Variants in UXS1 observed in about 807,000 individuals in gnomAD.
The protein encoded by UXS1 is UDP-glucuronic acid decarboxylase 1.
Under a neutral mutation model 62.6 loss-of-function variants are expected in UXS1, and 33 were observed. That is an observed-to-expected ratio of 0.53 (90% CI 0.40 to 0.70). UXS1 has a LOEUF of 0.70. UXS1 is among the 30% of genes least tolerant of loss of function. The pLI, the probability that UXS1 is intolerant of heterozygous loss-of-function variation, is 0.00. For missense variants in UXS1, 434 were observed against 556.3 expected (o/e 0.78, Z 2.21); for synonymous variants, 213 against 206.8 (o/e 1.03, Z -0.26).
rs944280930 is a variant in UXS1, at chr2:106,172,921, C to T, written c.95-6838G>A. On this transcript the variant is annotated intron_variant, in intron 1 of 14. Coordinates refer to ENST00000283148, the MANE Select transcript of UXS1 (RefSeq NM_001253875.2). Reference sequence around the variant, plus strand: ...TTCTCCCAACTGCCTCTTCACCTTTCCCCCTCCCTCAGTTCATCCAAGGTC... The same window carrying T: ...TTCTCCCAACTGCCTCTTCACCTTTTCCCCTCCCTCAGTTCATCCAAGGTC... 1.8e-4 allele frequency among the ~76,000 whole-genome samples: 28 copies of T among 152,162 alleles called. 1 individual carries two copies. The highest frequency in any genetic ancestry group is 6.8e-4 in the African/African-American group (28 of 41,442).
At chr2:106,172,653 G>C (rs2105081766) in intron 1 of UXS1, among the ~76,000 whole-genome samples, 1 of 152,254 alleles carries the variant, frequency 6.6e-6, no homozygotes, top group South Asian at 2.1e-4. Flanking sequence ...CCACAGGTCT[G>C]TACTTCAGAC....
At chr2:106,100,519 T>C (rs567970393) in intron 12 of UXS1, among the ~76,000 whole-genome samples, 1 of 152,224 alleles carries the variant, frequency 6.6e-6, no homozygotes, top group East Asian at 1.9e-4. Flanking sequence ...ACAGGGTGAA[T>C]TTCTCTGAGC....
At chr2:106,172,560 A>G (rs894450488) in intron 1 of UXS1, among the ~76,000 whole-genome samples, 1 of 152,148 alleles carries the variant, frequency 6.6e-6, no homozygotes, top group Non-Finnish European at 1.5e-5. Context: ...GCAGGCCCCA[A>G]CACTGACAGA....
intron 10 of UXS1, among the ~76,000 whole-genome samples, chr2:106,108,938 C>CCTTAA (rs1274751199): frequency 2.0e-5 from 3 of 151,956 alleles, no homozygotes; most frequent in Non-Finnish European, 4.4e-5. Flanking sequence ...CACAAGAAAC[C>CCTTAA]CTTACCCTCG....
rs182762670 is a variant in UXS1, at chr2:106,101,276, G to C, written c.924-158C>G. 2.4e-5 allele frequency: 17 copies of C among 698,402 alleles called. No homozygotes were observed. In the Admixed American group the frequency reaches 4.6e-4, roughly 19 times the overall value. 43.3% of individuals were successfully genotyped at this position (698,402 alleles called of 1,614,324 possible). A position where few individuals can be genotyped will look rare whatever the true frequency, so the allele number is the denominator to read the frequency against. On this transcript the variant is annotated intron_variant, in intron 11 of 14. Coordinates refer to ENST00000283148, the MANE Select transcript of UXS1 (RefSeq NM_001253875.2). ...GTCGAAACAAAATCCTACAAACTAAGATGGTGTTTACAATGCGAAAGTATT... is the reference window on the plus strand; with the variant it reads ...GTCGAAACAAAATCCTACAAACTAACATGGTGTTTACAATGCGAAAGTATT...
At chr2:106,146,437 A>T (rs1681572110) in intron 5 of UXS1, among the ~76,000 whole-genome samples, 1 of 152,224 alleles carries the variant, frequency 6.6e-6, no homozygotes. Flanking sequence ...GTTTAAAATA[A>T]ATGAAATCTC....
At chr2:106,128,259 G>A (rs1036890081) in intron 7 of UXS1, among the ~76,000 whole-genome samples, 1 of 152,106 alleles carries the variant, frequency 6.6e-6, no homozygotes, top group Non-Finnish European at 1.5e-5. Context: ...GTTCTGTCTG[G>A]TGACCAGAGC....
At chr2:106,177,635 T>C (rs535414661) in intron 1 of UXS1, among the ~76,000 whole-genome samples, 2 of 152,234 alleles carry the variant, frequency 1.3e-5, no homozygotes, top group Non-Finnish European at 2.9e-5. Flanking sequence ...ACACCTTTTT[T>C]AAGTCTGTAC....
At chr2:106,140,912 G>C (rs966529712) in intron 6 of UXS1, among the ~76,000 whole-genome samples, 1 of 152,136 alleles carries the variant, frequency 6.6e-6, no homozygotes. Context: ...TTATACAGAC[G>C]GTGGAAAAGT....
intron 6 of UXS1, among the ~76,000 whole-genome samples, chr2:106,143,425 AAAAAAAAAAAAAAG>A (rs1396505710): frequency 2.7e-5 from 4 of 148,192 alleles, no homozygotes; most frequent in Admixed American, 7.1e-5. Flanking sequence ...AAAAAAAAAA[AAAAAAAAAAAAAAG>A]GTATAATTTG....
chr2:106,099,229 G>C (rs7564049), intron 12 of UXS1, among the ~76,000 whole-genome samples: 113,462 of 152,134 alleles, frequency 0.75, 42,624 homozygotes, highest in South Asian at 0.78. Context: ...GAAATGAGTA[G>C]GCTCACAGGC....
rs1558678439 is a variant in UXS1, at chr2:106,104,804, G to A, written c.913C>T (p.Gln305Ter). Residue 305 changes from glutamine (Q) to a stop codon, truncating the protein, a stop_gained, in exon 11 of 15, where the codon CAG becomes TAG. Coordinates refer to ENST00000283148, the MANE Select transcript of UXS1 (RefSeq NM_001253875.2). LOFTEE classifies it high-confidence loss of function. ...YGSGSQTRAF[Q>*]YVSDLVNGLV... ...GCAGGACAGTCTTACCTGACGTACT[G>A]GAACGCCCTTGTCTGAGACCCGGAT... is the stretch of plus-strand genomic sequence containing the variant. 6 of 1,613,980 alleles carry A rather than the reference G, an allele frequency of 3.7e-6. No individual in the cohort carries two copies. The highest frequency in any genetic ancestry group is 4.2e-6 in the Non-Finnish European group (5 of 1,179,884).
At position 106,163,710 on chromosome 2, in the gene UXS1, T is replaced by C. The variant is rs1383659951; in HGVS notation, c.187A>G (p.Met63Val). 1.4e-6 allele frequency: 2 copies of C among 1,440,446 alleles called. No individual in the cohort carries two copies. Among genetic ancestry groups the C allele is most frequent in the South Asian group, 1.4e-5 (1 of 69,086 alleles). The allele number at this position is 1,440,446 out of a possible 1,614,324, so 89.2% of individuals were successfully genotyped here. A position where few individuals can be genotyped will look rare whatever the true frequency, so the allele number is the denominator to read the frequency against. The change falls in exon 4 of 15, where the codon ATG becomes GTG. Residue 63 changes from methionine to valine, a missense_variant and splice_region_variant. Around this residue, in one of 3 missense-constraint regions of UXS1, gnomAD observed 134 missense variants for 251.9 expected, o/e 0.53. Transcript: ENST00000283148. ...ELKIESKIEEMVEPLREKIRD... is the reference protein window; with the variant it reads ...ELKIESKIEEVVEPLREKIRD... ...ATTTTCTCTCTTAGTGGTTCAACCATCTAGAACAATAATAACAAAAATCAG... is the reference window on the plus strand; with the variant it reads ...ATTTTCTCTCTTAGTGGTTCAACCACCTAGAACAATAATAACAAAAATCAG...
intron 11 of UXS1, among the ~76,000 whole-genome samples, chr2:106,103,876 G>C (rs1045104904): frequency 1.3e-5 from 2 of 151,944 alleles, no homozygotes; most frequent in African/African-American, 4.8e-5. Flanking sequence ...TTTCTCCACG[G>C]GACTCCTACC....
chr2:106,190,902 T>C (rs1401043009), intron 1 of UXS1, among the ~76,000 whole-genome samples: 1 of 152,112 alleles, frequency 6.6e-6, no homozygotes, highest in Non-Finnish European at 1.5e-5. Flanking sequence ...GCCCAGGAGC[T>C]ACCTAGTAGG....
intron 8 of UXS1, 107 bp from the exon 9 acceptor site, chr2:106,123,198 G>A (rs972723427): frequency 1.5e-5 from 23 of 1,497,584 alleles, no homozygotes; most frequent in Admixed American, 3.9e-5. Flanking sequence ...CCCATTTAGA[G>A]ATGGAGAGAT....
rs558772933 is a variant in UXS1, at chr2:106,186,703, A to G, written c.94+7445T>C. 5.3e-5 allele frequency among the ~76,000 whole-genome samples: 8 copies of G among 152,314 alleles called. No individual in the cohort carries two copies. In the South Asian group the frequency reaches 1.2e-3, roughly 24 times the overall value. On this transcript the variant is annotated intron_variant, in intron 1 of 14. Transcript: ENST00000283148. ...TGTGGTGGCACACACCTGTAGTCCC[A>G]GCTACTCAGGAGCCTGAGGCAGGAG...
At chr2:106,163,759 C>A in intron 3 of UXS1, 49 bp from the exon 4 acceptor site, 2 of 1,225,716 alleles carry the variant, frequency 1.6e-6, no homozygotes, top group South Asian at 1.8e-5. Flanking sequence ...ACACAGTTCT[C>A]AACCCCTTTC....
intron 14 of UXS1, among the ~76,000 whole-genome samples, chr2:106,096,180 A>AGG (rs1256578173): frequency 1.4e-5 from 2 of 143,308 alleles, no homozygotes; most frequent in African/African-American, 5.0e-5. Flanking sequence ...GTTCACAGTC[A>AGG]GGGGTGTGTG....
Sources: gnomAD v4.1 joint callset for allele counts (sites outside exome capture counted in the v4.1 genomes callset) on GRCh38, gnomAD v4.1.1 for gene constraint, gnomAD v4.1.1 regional missense constraint, MANE v1.5 for transcripts, NCBI Gene and HGNC (gene_info 2026-07-23, HGNC 2026-07-21) for gene names.